ME2: variants seen among roughly 807,000 people sequenced by gnomAD.
ME2 encodes the protein NAD-dependent malic enzyme, mitochondrial.
A neutral mutation model predicts 73.7 loss-of-function variants in ME2; 60 were observed. The ratio of observed to expected loss-of-function variants is 0.81; its 90% confidence interval spans 0.66 to 1.01. The LOEUF (loss-of-function observed/expected upper bound fraction) is 1.01, where lower values mean the gene tolerates loss of function less well. Among genes scored for constraint, ME2 ranks in the 50% least tolerant of loss-of-function variants. ME2 has a pLI of 0.00. For missense variants in ME2, 594 were observed against 705.5 expected, an observed-to-expected ratio of 0.84 and a Z score of 1.79; for synonymous variants, 199 against 236.9, an observed-to-expected ratio of 0.84 and a Z score of 1.47.
intron 13 of ME2, 55 bp from the exon 14 acceptor site, chr18:50,939,515 C>T: frequency 8.0e-7 from 1 of 1,243,546 alleles, no homozygotes. Flanking sequence ...TAGGAATTTA[C>T]TTCTTTCATA....
At chr18:50,923,988 G>T in intron 10 of ME2, 110 bp from the exon 11 acceptor site, 1 of 652,258 alleles carries the variant, frequency 1.5e-6, no homozygotes, top group South Asian at 2.4e-5. Context: ...AAATGAAAAT[G>T]AAAAGACATT....
intron 1 of ME2, among the ~76,000 whole-genome samples, chr18:50,891,119 A>G (rs907075767): frequency 1.3e-5 from 2 of 152,276 alleles, no homozygotes; most frequent in African/African-American, 4.8e-5. Context: ...TAAAATACGT[A>G]GAAGAAACTG....
chr18:50,903,057 C>T (rs368926879), intron 2 of ME2, among the ~76,000 whole-genome samples: 1 of 152,062 alleles, frequency 6.6e-6, no homozygotes, highest in African/African-American at 2.4e-5. Flanking sequence ...GGAGGAAGTA[C>T]ACCTCTGCTA....
chr18:50,946,393 C>T (rs1178248644), intron 15 of ME2, among the ~76,000 whole-genome samples: 1 of 152,134 alleles, frequency 6.6e-6, no homozygotes. Context: ...CAAGTAACTA[C>T]CTTGGGCAAG....
At position 50,950,635 on chromosome 18, in the gene ME2, T is replaced by A. The variant is rs1187767573; in HGVS notation, c.*3451T>A. On this transcript the variant is annotated 3_prime_UTR_variant, in exon 16 of 16. Transcript: ENST00000321341. ...GAGTAGCTGGGACTATAGGCGCAAG[T>A]CTATGCAACCACCCAGCTAATTTTT... 6.6e-6 allele frequency: 1 copy of A among 151,702 alleles called. No individual in the cohort carries two copies. The highest frequency in any genetic ancestry group is 1.5e-5 in the Non-Finnish European group (1 of 67,940). The allele number at this position is 151,702 out of a possible 1,614,324, so 9.4% of individuals were successfully genotyped here.
intron 3 of ME2, 126 bp downstream of exon 3, chr18:50,908,322 T>C: frequency 1.6e-6 from 1 of 609,400 alleles, no homozygotes; most frequent in East Asian, 3.1e-5. Flanking sequence ...AGTTAACTAC[T>C]TTTATAAAGA....
intron 14 of ME2, chr18:50,940,060 C>T (rs2144267786): frequency 2.0e-6 from 1 of 504,404 alleles, no homozygotes; most frequent in Non-Finnish European, 3.5e-6. Flanking sequence ...CCAAGCTCTA[C>T]ATGTGTAATA....
chr18:50,918,705 T>C (rs75753423), intron 7 of ME2, among the ~76,000 whole-genome samples: 51 of 150,496 alleles, frequency 3.4e-4, no homozygotes, highest in East Asian at 1.9e-3. Context: ...CCTTTCTCTT[T>C]TTTTTTTTTT....
At chr18:50,928,999 T>A (rs904124296) in intron 12 of ME2, among the ~76,000 whole-genome samples, 2 of 152,048 alleles carry the variant, frequency 1.3e-5, no homozygotes, top group African/African-American at 4.8e-5. Context: ...TCTTGTTAGG[T>A]CTCTGCTTGC....
rs777116168 is a variant in ME2, at chr18:50,912,976, G to A, written c.392+26G>A. 6.4e-6 allele frequency: 10 copies of A among 1,554,288 alleles called. No individual in the cohort carries two copies. The South Asian group carries it at 1.2e-4, about 19-fold the overall frequency. ...GTAAGGCTTGTTTAAAAAAAAGCTT[G>A]TAAATGATTATTGAATAAGGAAAAT... On this transcript the variant is annotated intron_variant, in intron 4 of 15. Transcript: ENST00000321341.
At chr18:50,927,626 C>T (rs1434112925) in intron 12 of ME2, among the ~76,000 whole-genome samples, 2 of 149,834 alleles carry the variant, frequency 1.3e-5, no homozygotes, top group Non-Finnish European at 3.0e-5. Context: ...GGTGTGAACC[C>T]ACGAGGCGGA....
chr18:50,891,324 C>T (rs1036790749), intron 1 of ME2, among the ~76,000 whole-genome samples: 1 of 152,140 alleles, frequency 6.6e-6, no homozygotes, highest in Admixed American at 6.5e-5. Flanking sequence ...TACCAGACTA[C>T]AAGGTGGAGT....
chr18:50,914,198 T>A (rs912006912), intron 4 of ME2, among the ~76,000 whole-genome samples: 3 of 152,218 alleles, frequency 2.0e-5, no homozygotes, highest in Admixed American at 6.5e-5. Context: ...GTTGCAGGTG[T>A]TCCCTGGAAG....
intron 3 of ME2, among the ~76,000 whole-genome samples, chr18:50,911,688 A>G (rs1917160667): frequency 6.6e-6 from 1 of 152,188 alleles, no homozygotes; most frequent in African/African-American, 2.4e-5. Context: ...TGGTGCATCA[A>G]ACGCAGCAAG....
In ME2 at chr18:50,952,552, CTT is replaced by C. The variant is rs1169714531; in HGVS notation, c.*5371_*5372del. 6.6e-6 allele frequency: 1 copy of C among 152,118 alleles called. No homozygotes were observed. The highest frequency in any genetic ancestry group is 1.5e-5 in the Non-Finnish European group (1 of 68,010). 9.4% of individuals were successfully genotyped at this position (152,118 alleles called of 1,614,324 possible). ...TGGTAAACAGCATTTTGTCAACAAA[CTT>C]TTCATATGGCTATAGAATCTTGTTT... On this transcript the variant is annotated 3_prime_UTR_variant, in exon 16 of 16. Transcript: ENST00000321341.
intron 1 of ME2, among the ~76,000 whole-genome samples, chr18:50,889,339 T>G (rs914886815): frequency 6.6e-6 from 1 of 152,186 alleles, no homozygotes; most frequent in East Asian, 1.9e-4. Context: ...AAGGGGGTGC[T>G]GGACATTAAG....
chr18:50,913,860 TACACACACACACAC>T (rs1555677139), intron 4 of ME2, among the ~76,000 whole-genome samples: 2 of 143,178 alleles, frequency 1.4e-5, no homozygotes, highest in African/African-American at 2.6e-5. Context: ...AGCAATATTA[TACACACACACACAC>T]ACACACACAC....
chr18:50,936,721 T>A (rs1473223041), intron 13 of ME2, among the ~76,000 whole-genome samples: 1 of 151,682 alleles, frequency 6.6e-6, no homozygotes, highest in African/African-American at 2.4e-5. Flanking sequence ...AGGCCAAGAG[T>A]TTGAGACTAG....
intron 2 of ME2, among the ~76,000 whole-genome samples, chr18:50,902,014 AG>A (rs1387078091): frequency 6.6e-6 from 1 of 152,236 alleles, no homozygotes; most frequent in Non-Finnish European, 1.5e-5. Context: ...ATTTTACTAC[AG>A]ATTCTTAATT....
Sources: gnomAD v4.1 joint callset for allele counts (sites outside exome capture counted in the v4.1 genomes callset) on GRCh38, gnomAD v4.1.1 for gene constraint, MANE v1.5 for transcripts, NCBI Gene and HGNC (gene_info 2026-07-23, HGNC 2026-07-21) for gene names.